Variants in GRK5 observed in about 807,000 individuals in gnomAD.
The protein encoded by GRK5 is g protein-coupled receptor kinase GRK5.
In GRK5, 40 loss-of-function variants were observed where a neutral mutation model predicts 78.4. The ratio of observed to expected loss-of-function variants is 0.51; its 90% CI spans 0.40 to 0.66. The LOEUF (loss-of-function observed/expected upper bound fraction) is 0.66, where lower values mean the gene tolerates loss of function less well. Ranked by LOEUF, GRK5 falls within the 30% of genes least tolerant of loss-of-function variation. GRK5 has a pLI of 0.00. For synonymous variants in GRK5, 289 were observed against 296.8 expected (o/e 0.97, Z 0.27); for missense variants, 598 against 759.9 (o/e 0.79, Z 2.50).
In GRK5 at chr10:119,435,888, G is replaced by A. The variant is rs1047161511; in HGVS notation, c.739-763G>A. ...AGGTTTAATGGACTTACAGTTCCAC[G>A]TGGCTGGGGAGGCCCCACAATCATG... On this transcript the variant is annotated intron_variant, in intron 8 of 15. Coordinates refer to ENST00000392870, the MANE Select transcript of GRK5 (RefSeq NM_005308.3). Among the ~76,000 whole-genome samples, 5 of 152,218 alleles carry A rather than the reference G, an allele frequency of 3.3e-5. 1 individual carries two copies. Among genetic ancestry groups the A allele is most frequent in the South Asian group, 4.1e-4 (2 of 4,828 alleles).
intron 2 of GRK5, among the ~76,000 whole-genome samples, chr10:119,338,395 C>T (rs552567688): frequency 7.9e-5 from 12 of 152,270 alleles, no homozygotes; most frequent in Admixed American, 2.6e-4. Context: ...AGAAAGTCAC[C>T]GCTAATTTTA....
chr10:119,395,735 A>G (rs1852039020), intron 3 of GRK5, among the ~76,000 whole-genome samples: 1 of 152,138 alleles, frequency 6.6e-6, no homozygotes, highest in Non-Finnish European at 1.5e-5. Context: ...GAGACCTCCC[A>G]TCTTTAGAGC....
intron 2 of GRK5, among the ~76,000 whole-genome samples, chr10:119,356,532 T>C (rs948206984): frequency 6.6e-6 from 1 of 152,356 alleles, no homozygotes; most frequent in Middle Eastern, 3.4e-3. Flanking sequence ...GCTAGAGTCT[T>C]GTTTGTCTAT....
rs1851657300 is a variant in GRK5 at position 119,378,357 on chromosome 10, A to G, written c.149-2458A>G. Among the ~76,000 whole-genome samples the G allele has an allele frequency of 6.6e-6, 1 of 152,204 alleles. No homozygotes were observed. Among genetic ancestry groups the G allele is most frequent in the Non-Finnish European group, 1.5e-5 (1 of 68,040 alleles). ...CAGGGCTAGTTGGAGCCACAAAACC[A>G]TTTGAGAGTGGGCCAAGAGGGGACT... On this transcript the variant is annotated intron_variant, in intron 2 of 15. Coordinates refer to ENST00000392870, the MANE Select transcript of GRK5 (RefSeq NM_005308.3). This position sits in a 1 kb window ranked among gnomAD's most constrained non-coding sequence, Gnocchi z 4.5.
chr10:119,281,519 G>A (rs189921098), intron 1 of GRK5, among the ~76,000 whole-genome samples: 218 of 152,314 alleles, frequency 1.4e-3, no homozygotes, highest in African/African-American at 4.6e-3. Context: ...GCTTGTATGC[G>A]GATGCTTGTG....
At chr10:119,416,259 G>C (rs1159578581) in intron 4 of GRK5, among the ~76,000 whole-genome samples, 3 of 152,278 alleles carry the variant, frequency 2.0e-5, no homozygotes, top group Non-Finnish European at 2.9e-5. Context: ...CCTCACGTCA[G>C]TCATTCATGG....
intron 1 of GRK5, among the ~76,000 whole-genome samples, chr10:119,230,753 T>C (rs1414389): frequency 3.3e-5 from 5 of 149,978 alleles, no homozygotes; most frequent in Middle Eastern, 3.2e-3. Flanking sequence ...AGCGGATCAC[T>C]TGAGCCCAGG....
chr10:119,415,270 C>T (rs1387252813), intron 4 of GRK5, among the ~76,000 whole-genome samples: 2 of 151,876 alleles, frequency 1.3e-5, no homozygotes, highest in African/African-American at 4.8e-5. Flanking sequence ...TTTGGACATG[C>T]CATGAAGGGG....
intron 1 of GRK5, among the ~76,000 whole-genome samples, chr10:119,246,683 C>A (rs117985440): frequency 6.6e-6 from 1 of 152,196 alleles, no homozygotes; most frequent in African/African-American, 2.4e-5. Flanking sequence ...GTTCAGACAT[C>A]GGCTAGAATT....
rs1852827240 is a variant in GRK5 at position 119,431,843 on chromosome 10, C to T, written c.738+316C>T. ...TGGACAAAGAAAGTTCACCTGGGCCCAGGCTGGGAGCTGTGGGTTCCACAG... is the reference window on the plus strand; with the variant it reads ...TGGACAAAGAAAGTTCACCTGGGCCTAGGCTGGGAGCTGTGGGTTCCACAG... On this transcript the variant is annotated intron_variant, in intron 8 of 15. Transcript: ENST00000392870. This position sits in a 1 kb window ranked among gnomAD's most constrained non-coding sequence, Gnocchi z 4.8. Among the ~76,000 whole-genome samples the T allele has an allele frequency of 6.6e-6, 1 of 152,218 alleles. No homozygotes were observed. The highest frequency in any genetic ancestry group is 2.4e-5 in the African/African-American group (1 of 41,460).
chr10:119,234,673 TTTCTTTTCTTTC>T (rs1176879780), intron 1 of GRK5, among the ~76,000 whole-genome samples: 11 of 151,784 alleles, frequency 7.2e-5, no homozygotes, highest in South Asian at 2.1e-4. Flanking sequence ...CCTTTTTTCT[TTTCTTTTCTTTC>T]TTCTTTTCTT....
rs1436576751 is a variant in GRK5 at position 119,378,816 on chromosome 10, C to CG, written c.149-1995dup. Among the ~76,000 whole-genome samples the CG allele has an allele frequency of 6.6e-6, 1 of 152,224 alleles. No individual in the cohort carries two copies. Among genetic ancestry groups the CG allele is most frequent in the Non-Finnish European group, 1.5e-5 (1 of 68,040 alleles). ...TCTGGCAAAAGCCCTGGGAGGACTC[C>CG]GGGGCCCCCACGGATCACAGGCCCT... On this transcript the variant is annotated intron_variant, in intron 2 of 15. Coordinates refer to ENST00000392870, the MANE Select transcript of GRK5 (RefSeq NM_005308.3). This position sits in a 1 kb window ranked among gnomAD's most constrained non-coding sequence, Gnocchi z 4.5.
chr10:119,420,993 ACACAGGTGGGCAACTCAGGTCC>A (rs1852559282), intron 4 of GRK5, among the ~76,000 whole-genome samples: 1 of 152,228 alleles, frequency 6.6e-6, no homozygotes. Context: ...TGCAGAGTGC[ACACAGGTGGGCAACTCAGGTCC>A]CCCTTCTGAC....
At chr10:119,255,611 C>T (rs1849269815) in intron 1 of GRK5, among the ~76,000 whole-genome samples, 1 of 152,196 alleles carries the variant, frequency 6.6e-6, no homozygotes, top group Admixed American at 6.5e-5. Context: ...TGTGGCTGCG[C>T]AAGGTCAGGG....
chr10:119,434,575 C>T (rs1210473555), intron 8 of GRK5, among the ~76,000 whole-genome samples: 3 of 152,248 alleles, frequency 2.0e-5, no homozygotes, highest in Non-Finnish European at 4.4e-5. Context: ...GTCTCACATC[C>T]AGATCATGCC....
intron 2 of GRK5, among the ~76,000 whole-genome samples, chr10:119,347,135 A>G (rs1851108759): frequency 6.6e-6 from 1 of 152,130 alleles, no homozygotes; most frequent in African/African-American, 2.4e-5. Flanking sequence ...GCCTTCCACA[A>G]GAGTCTGCAG....
chr10:119,452,751 C>T lies in GRK5; in HGVS notation c.1485C>T (p.Asp495=), dbSNP rs149159651. The change falls in exon 14 of 16, where the codon GAC becomes GAT. Residue 495 remains aspartate (D), a synonymous_variant. Coordinates refer to ENST00000392870, the MANE Select transcript of GRK5 (RefSeq NM_005308.3). This position sits in a 1 kb window ranked among gnomAD's most constrained non-coding sequence, Gnocchi z 4.4. ...AGGGCGTCAATCTGGACCACACAGA[C>T]GACGACTTCTACTCCAAGTTCTCCA... The part of the protein sequence containing the change: ...TVKGVNLDHT[D]DDFYSKFSTG... The T allele has an allele frequency of 1.6e-3, 2,533 of 1,613,968 alleles. 4 individuals carry two copies. The highest frequency in any genetic ancestry group is 2.0e-3 in the Non-Finnish European group (2,384 of 1,179,962).
At chr10:119,415,219 T>C (rs1852427199) in intron 4 of GRK5, among the ~76,000 whole-genome samples, 1 of 151,402 alleles carries the variant, frequency 6.6e-6, no homozygotes, top group Admixed American at 6.6e-5. Context: ...TCATCTTAGA[T>C]GTGGTTATGT....
At chr10:119,376,764 A>G (rs1851627846) in intron 2 of GRK5, among the ~76,000 whole-genome samples, 1 of 152,028 alleles carries the variant, frequency 6.6e-6, no homozygotes, top group South Asian at 2.1e-4. Flanking sequence ...ACAGGGTTTC[A>G]CTATGTTAGC....
Sources: allele counts gnomAD v4.1 joint callset (sites outside exome capture counted in the v4.1 genomes callset), GRCh38; gene constraint gnomAD v4.1.1; non-coding constraint Gnocchi (gnomAD v3.1); transcripts MANE v1.5; gene names NCBI Gene and HGNC (gene_info 2026-07-23, HGNC 2026-07-21).